Variants in TSPAN16 observed in about 807,000 individuals in gnomAD.
TSPAN16 encodes the protein tetraspanin-16.
TSPAN16 carries 23 observed loss-of-function variants against 25.2 expected under a neutral mutation model. That is an observed-to-expected ratio of 0.91 (90% CI 0.66 to 1.29). TSPAN16 has a LOEUF of 1.29. Ranked by LOEUF, TSPAN16 falls within the 50% of genes most tolerant of loss-of-function variation. TSPAN16 has a pLI of 0.00. For missense variants in TSPAN16, 272 were observed against 299.9 expected, an observed-to-expected ratio of 0.91 and a Z score of 0.69; for synonymous variants, 123 against 124.4, an observed-to-expected ratio of 0.99 and a Z score of 0.08.
intron 6 of TSPAN16, among the ~76,000 whole-genome samples, chr19:11,315,555 C>A (rs1380123736): frequency 7.5e-6 from 1 of 132,770 alleles, no homozygotes; most frequent in African/African-American, 2.8e-5. Flanking sequence ...GACTTCATCT[C>A]AAAAATAAAT....
intron 6 of TSPAN16, among the ~76,000 whole-genome samples, chr19:11,313,072 C>T (rs1416045137): frequency 1.3e-5 from 2 of 152,064 alleles, no homozygotes; most frequent in African/African-American, 2.4e-5. Context: ...AAATATCAGG[C>T]CCAGATATCC....
At chr19:11,306,007 C>T (rs1192119042) in intron 4 of TSPAN16, among the ~76,000 whole-genome samples, 2 of 151,560 alleles carry the variant, frequency 1.3e-5, no homozygotes, top group Admixed American at 1.3e-4. Flanking sequence ...GTGGCTCACG[C>T]CGCTAATCCC....
At position 11,313,602 on chromosome 19, in the gene TSPAN16, A is replaced by AT. The variant is rs202151552; in HGVS notation, c.687+1385dup. 4.8e-3 allele frequency among the ~76,000 whole-genome samples: 731 copies of AT among 152,218 alleles called. 9 individuals are homozygous for AT. The highest frequency in any genetic ancestry group is 0.027 in the Admixed American group (408 of 15,260). On this transcript the variant is annotated intron_variant, in intron 6 of 6. Coordinates refer to ENST00000590327, the MANE Select transcript of TSPAN16 (RefSeq NM_001282509.2). ...AAATGGACAAAGGATTCAAATAGAGATTTTTATCCAAAGAAGGCATACAGA... is the reference window on the plus strand; with the variant it reads ...AAATGGACAAAGGATTCAAATAGAGATTTTTTATCCAAAGAAGGCATACAGA...
At chr19:11,315,552 T>C (rs573624625) in intron 6 of TSPAN16, among the ~76,000 whole-genome samples, 10 of 141,134 alleles carry the variant, frequency 7.1e-5, no homozygotes, top group African/African-American at 2.4e-4. Context: ...GGAGACTTCA[T>C]CTCAAAAATA....
In TSPAN16 at chr19:11,325,359, G is replaced by A. The variant is rs200753789; in HGVS notation, c.688-1435G>A. 1,046 of 1,369,664 alleles carry A rather than the reference G, an allele frequency of 7.6e-4. 12 individuals are homozygous for A. The African/African-American group carries it at 0.013, about 17-fold the overall frequency. The allele number at this position is 1,369,664 out of a possible 1,614,324, so 84.8% of individuals were successfully genotyped here. ...TCACGCCTCGATCACAGTCCCTGCC[G>A]AGGCAGGAGAGGGGTGGGTGGGGGG... On this transcript the variant is annotated intron_variant, in intron 6 of 6. Transcript: ENST00000316737.
chr19:11,317,675 AG>A, downstream of TSPAN16, among the ~76,000 whole-genome samples: 1 of 151,612 alleles, frequency 6.6e-6, no homozygotes, highest in South Asian at 2.1e-4. Flanking sequence ...TTGTATTTTT[AG>A]TAGAGACGGG....
chr19:11,307,870 G>A (rs1322276948), intron 5 of TSPAN16: 5 of 152,256 alleles, frequency 3.3e-5, no homozygotes, highest in Non-Finnish European at 5.9e-5. Context: ...AGAAACTGAG[G>A]CTCGGGGAGG....
chr19:11,323,911 A>C (rs2080795898), intron 6 of TSPAN16: 1 of 152,252 alleles, frequency 6.6e-6, no homozygotes, highest in Non-Finnish European at 1.5e-5. Flanking sequence ...GCGCCCCTAG[A>C]GTTTGGAATC....
At chr19:11,308,706 C>T (rs527948935) in intron 5 of TSPAN16, among the ~76,000 whole-genome samples, 1 of 152,172 alleles carries the variant, frequency 6.6e-6, no homozygotes, top group South Asian at 2.1e-4. Flanking sequence ...ATCTCCTGAC[C>T]TCATGATCCG....
Position 11,298,249 on chromosome 19 carries a change from C to T in TSPAN16, c.177C>T (p.Asn59=). 1 of 1,614,102 alleles carries T rather than the reference C, an allele frequency of 6.2e-7. No individual in the cohort carries two copies. Among genetic ancestry groups the T allele is most frequent in the Non-Finnish European group, 8.5e-7 (1 of 1,180,014 alleles). Residue 59 remains asparagine, a synonymous_variant, in exon 2 of 7, where the codon AAC becomes AAT. Coordinates refer to ENST00000590327, the MANE Select transcript of TSPAN16 (RefSeq NM_001282509.2). ...LSSAYLLHVG[N]LCLVMGCITV... ...CCGCATACCTCCTTCACGTTGGCAA[C>T]CTGTGCCTGGTGATGGGATGCATCA...
At chr19:11,301,970 CCCA>C (rs144434297) in intron 4 of TSPAN16, among the ~76,000 whole-genome samples, 59,556 of 150,906 alleles carry the variant, frequency 0.39, 13,070 homozygotes, top group African/African-American at 0.61. Flanking sequence ...ATTAGAGGCG[CCCA>C]CCACCACACC....
chr19:11,299,985 G>GAAAAAAAAAAAAAAAAA (rs60293071), intron 3 of TSPAN16, among the ~76,000 whole-genome samples: 6 of 107,722 alleles, frequency 5.6e-5, no homozygotes, highest in Admixed American at 1.9e-4. Flanking sequence ...CTCAAAAAAA[G>GAAAAAAAAAAAAAAAAA]AAAAAAAAAA....
chr19:11,320,121 A>ATTTTTTTTTTTT (rs1599351537), downstream of TSPAN16, among the ~76,000 whole-genome samples: 6 of 73,632 alleles, frequency 8.1e-5, no homozygotes, highest in African/African-American at 1.9e-4. Flanking sequence ...CCCGGCCAGG[A>ATTTTTTTTTTTT]CTTTTTTTTT....
chr19:11,326,151 G>C (rs2080811279), intron 6 of TSPAN16, among the ~76,000 whole-genome samples: 1 of 151,852 alleles, frequency 6.6e-6, no homozygotes, highest in African/African-American at 2.4e-5. Context: ...GAATCTGGGA[G>C]GCGGAGGTTA....
downstream of TSPAN16, among the ~76,000 whole-genome samples, chr19:11,320,941 T>C (rs573301293): frequency 1.3e-5 from 2 of 151,786 alleles, no homozygotes; most frequent in Non-Finnish European, 2.9e-5. Context: ...GAGGCCAAGG[T>C]GGGCAGATCA....
chr19:11,308,291 A>ACAG (rs138344446), intron 5 of TSPAN16, among the ~76,000 whole-genome samples: 4,233 of 58,950 alleles, frequency 0.072, 215 homozygotes, highest in African/African-American at 0.44. Flanking sequence ...AGTCCCCATC[A>ACAG]CAACAACAAC....
intron 3 of TSPAN16, among the ~76,000 whole-genome samples, chr19:11,299,245 A>G (rs2080515819): frequency 6.6e-6 from 1 of 151,374 alleles, no homozygotes. Flanking sequence ...GCACCACTGC[A>G]CTCCAGCCTG....
intron 1 of TSPAN16, among the ~76,000 whole-genome samples, chr19:11,297,860 T>G (rs1020225014): frequency 3.3e-5 from 5 of 152,060 alleles, no homozygotes; most frequent in African/African-American, 2.4e-5. Context: ...GGCACAGTCA[T>G]AGCTCACTGC....
At chr19:11,324,547 G>A (rs1378533543) in intron 6 of TSPAN16, 1 of 152,620 alleles carries the variant, frequency 6.6e-6, no homozygotes, top group African/African-American at 2.4e-5. Context: ...CCAGGCTCCT[G>A]GCTCTGAGGT....
Sources: gnomAD v4.1 joint callset for allele counts (sites outside exome capture counted in the v4.1 genomes callset) on GRCh38, gnomAD v4.1.1 for gene constraint, MANE v1.5 for transcripts, NCBI Gene and HGNC (gene_info 2026-07-23, HGNC 2026-07-21) for gene names.